The following NEK5 variants were observed in gnomAD, a reference collection of about 807,000 sequenced individuals.
NEK5 encodes NIMA related kinase 5.
In NEK5, 88 loss-of-function variants were observed where a neutral mutation model predicts 109.2. The ratio of observed to expected loss-of-function variants is 0.81; its 90% CI spans 0.68 to 0.96. The LOEUF is 0.96. Among genes scored for constraint, NEK5 ranks in the 40% least tolerant of loss-of-function variants. The pLI is 0.00. For synonymous variants in NEK5, 283 were observed against 299.9 expected, an observed-to-expected ratio of 0.94 and a Z score of 0.58; for missense variants, 834 against 920.7, an observed-to-expected ratio of 0.91 and a Z score of 1.22.
At chr13:52,114,995 A>C (rs1431354063) in intron 4 of NEK5, among the ~76,000 whole-genome samples, 9 of 151,716 alleles carry the variant, frequency 5.9e-5, no homozygotes, top group Non-Finnish European at 1.2e-4. Context: ...CTGACTAAAA[A>C]TTCATCATGA....
chr13:52,051,913 A>G (rs1195906609), intron 22 of NEK5, among the ~76,000 whole-genome samples: 1 of 152,208 alleles, frequency 6.6e-6, no homozygotes, highest in Admixed American at 6.5e-5. Flanking sequence ...TGCAGGACAG[A>G]AAGTCATTCC....
chr13:52,062,278 A>G (rs552001106), intron 21 of NEK5: 1 of 152,278 alleles, frequency 6.6e-6, no homozygotes, highest in South Asian at 2.1e-4. Context: ...ATACTTACAT[A>G]TTTCAACTTA....
intron 12 of NEK5, among the ~76,000 whole-genome samples, chr13:52,096,577 G>A (rs542493281): frequency 1.2e-4 from 18 of 152,252 alleles, no homozygotes; most frequent in Admixed American, 7.8e-4. Context: ...GATTTAGGGC[G>A]TCTGACAGAA....
intron 20 of NEK5, among the ~76,000 whole-genome samples, chr13:52,066,463 TG>T (rs899393101): frequency 1.2e-4 from 19 of 152,116 alleles, no homozygotes; most frequent in South Asian, 2.1e-4. Context: ...ATTTATTCTG[TG>T]GTTTTTTTTT....
chr13:52,120,747 C>G (rs895695034), intron 3 of NEK5, among the ~76,000 whole-genome samples: 9 of 151,898 alleles, frequency 5.9e-5, no homozygotes, highest in Admixed American at 5.9e-4. Context: ...CCTGTCTCTA[C>G]TAAAAACACA....
chr13:52,101,056 C>T (rs757452956), intron 11 of NEK5, among the ~76,000 whole-genome samples: 16 of 152,144 alleles, frequency 1.1e-4, no homozygotes, highest in Non-Finnish European at 2.2e-4. Context: ...TCTTAACGTA[C>T]CCCTCCCTCT....
chr13:52,038,890 C>G (rs928723499), intron 23 of NEK5, among the ~76,000 whole-genome samples: 4 of 149,450 alleles, frequency 2.7e-5, no homozygotes, highest in Admixed American at 6.7e-5. Flanking sequence ...AGCCTAACTC[C>G]GAAAGGAATG....
At chr13:52,126,794 A>C (rs748677618) in intron 3 of NEK5, among the ~76,000 whole-genome samples, 4 of 152,136 alleles carry the variant, frequency 2.6e-5, no homozygotes, top group African/African-American at 4.8e-5. Context: ...AGAAAAGAAA[A>C]GAAAACAAAA....
At chr13:52,092,595 G>T (rs1394033742) in intron 13 of NEK5, among the ~76,000 whole-genome samples, 1 of 151,946 alleles carries the variant, frequency 6.6e-6, no homozygotes, top group Admixed American at 6.6e-5. Flanking sequence ...AGAAAGAAGG[G>T]ACTAACATGG....
rs554857200 is a variant in NEK5 at position 52,099,942 on chromosome 13, G to T, written c.893-66C>A. 1.6e-5 allele frequency: 20 copies of T among 1,228,936 alleles called. 1 individual carries two copies. The highest frequency in any genetic ancestry group is 2.6e-4 in the Middle Eastern group (1 of 3,914). The allele number at this position is 1,228,936 out of a possible 1,614,324, so 76.1% of individuals were successfully genotyped here. ...TTGTACACCATTAATACTGATACTTGTAAGAGTATAAACATAAGCTACATT... is the reference window on the plus strand; with the variant it reads ...TTGTACACCATTAATACTGATACTTTTAAGAGTATAAACATAAGCTACATT... On this transcript the variant is annotated intron_variant, in intron 11 of 23. Transcript: ENST00000684899.
chr13:52,103,785 G>A (rs1019354453), intron 9 of NEK5, among the ~76,000 whole-genome samples: 3 of 152,292 alleles, frequency 2.0e-5, no homozygotes, highest in South Asian at 2.1e-4. Flanking sequence ...GGGTATATCC[G>A]ATGAGCTTTC....
At chr13:52,049,102 T>C (rs1271468534) in intron 23 of NEK5, among the ~76,000 whole-genome samples, 1 of 152,168 alleles carries the variant, frequency 6.6e-6, no homozygotes, top group East Asian at 1.9e-4. Context: ...TAAGTATATA[T>C]TAATACAATT....
At chr13:52,125,847 C>T (rs549289419) in intron 3 of NEK5, among the ~76,000 whole-genome samples, 2 of 152,016 alleles carry the variant, frequency 1.3e-5, no homozygotes, top group Admixed American at 6.6e-5. Flanking sequence ...GAAGCTATTG[C>T]GGGCCACTAG....
chr13:52,043,355 G>A (rs546340994), intron 23 of NEK5, among the ~76,000 whole-genome samples: 2 of 151,822 alleles, frequency 1.3e-5, no homozygotes, highest in East Asian at 3.9e-4. Flanking sequence ...TGGCCAAGAT[G>A]GTGAAACCCT....
intron 13 of NEK5, among the ~76,000 whole-genome samples, chr13:52,092,470 G>T (rs1346868432): frequency 6.6e-6 from 1 of 151,804 alleles, no homozygotes; most frequent in Admixed American, 6.6e-5. Flanking sequence ...CTTGCCTGTA[G>T]TCCCAGCACT....
chr13:52,077,708 C>T (rs1177133483), intron 17 of NEK5, among the ~76,000 whole-genome samples: 1 of 152,178 alleles, frequency 6.6e-6, no homozygotes, highest in Non-Finnish European at 1.5e-5. Flanking sequence ...TATACACCTA[C>T]TATATGATCC....
At chr13:52,083,753 A>G (rs1398402245) in intron 16 of NEK5, among the ~76,000 whole-genome samples, 2 of 152,020 alleles carry the variant, frequency 1.3e-5, no homozygotes, top group Non-Finnish European at 2.9e-5. Flanking sequence ...AGCCAGGATG[A>G]TCTCGATCTC....
chr13:52,097,690 G>C (rs1188940201), intron 12 of NEK5, among the ~76,000 whole-genome samples: 1 of 152,150 alleles, frequency 6.6e-6, no homozygotes, highest in African/African-American at 2.4e-5. Flanking sequence ...ACTTGTCTCA[G>C]AGAGACCTTG....
rs575167001 is a variant in NEK5 at position 52,099,663 on chromosome 13, C to T, written c.1026+80G>A. Reference sequence around the variant, plus strand: ...CCAGCCTGGCGACAGAGCGAGACTCCGTCTCAAAACAAACAAACAAACAAA... The same window carrying T: ...CCAGCCTGGCGACAGAGCGAGACTCTGTCTCAAAACAAACAAACAAACAAA... On this transcript the variant is annotated intron_variant, in intron 12 of 23. Coordinates refer to ENST00000684899, the MANE Select transcript of NEK5 (RefSeq NM_001365552.1). The T allele has an allele frequency of 1.4e-5, 20 of 1,457,016 alleles. No individual in the cohort carries two copies. In the African/African-American group the frequency reaches 1.5e-4, roughly 11 times the overall value. 90.3% of individuals were successfully genotyped at this position (1,457,016 alleles called of 1,614,324 possible). A position where few individuals can be genotyped will look rare whatever the true frequency, so the allele number is the denominator to read the frequency against.
Sources: gnomAD v4.1 joint callset for allele counts (sites outside exome capture counted in the v4.1 genomes callset) on GRCh38, gnomAD v4.1.1 for gene constraint, MANE v1.5 for transcripts, NCBI Gene and HGNC (gene_info 2026-07-23, HGNC 2026-07-21) for gene names.